Variants in TESC observed in about 807,000 individuals in gnomAD.
TESC encodes the protein calcineurin B homologous protein 3.
TESC carries 19 observed loss-of-function variants against 31.0 expected under a neutral mutation model. The observed-to-expected ratio is 0.61, with a 90% CI of 0.43 to 0.90. TESC has a LOEUF of 0.90. Ranked by LOEUF, TESC falls within the 40% of genes least tolerant of loss-of-function variation. TESC has a pLI of 0.00. For missense variants in TESC, 248 were observed against 303.8 expected, an observed-to-expected ratio of 0.82 and a Z score of 1.36; for synonymous variants, 109 against 114.8, an observed-to-expected ratio of 0.95 and a Z score of 0.32.
chr12:117,067,902 T>G (rs532354949), intron 2 of TESC, among the ~76,000 whole-genome samples: 1 of 152,108 alleles, frequency 6.6e-6, no homozygotes, highest in East Asian at 1.9e-4. Context: ...ACCCCGTGCT[T>G]TTTTTTCTTT....
In TESC at chr12:117,047,406, G is replaced by T. The variant is rs1954584297; in HGVS notation, c.350-568C>A. On this transcript the variant is annotated intron_variant, in intron 4 of 7. Coordinates refer to ENST00000335209, the MANE Select transcript of TESC (RefSeq NM_017899.4). ...GAGCTGGAGCTCTCCCAAGTCTTCT[G>T]TGTTGGCATTTTTTTTTTTAATGTA... Among the ~76,000 whole-genome samples the T allele has an allele frequency of 4.2e-5, 6 of 142,304 alleles. No homozygotes were observed. The South Asian group carries it at 1.3e-3, about 31-fold the overall frequency. The allele number at this position is 142,304 out of a possible 152,430, so 93.4% of individuals were successfully genotyped here.
intron 2 of TESC, among the ~76,000 whole-genome samples, chr12:117,074,133 G>A (rs1342478655): frequency 6.6e-6 from 1 of 152,092 alleles, no homozygotes; most frequent in Admixed American, 6.5e-5. Flanking sequence ...GCTAAGGCAG[G>A]AGGATCACCT....
At chr12:117,079,321 G>C (rs752641692) in intron 1 of TESC, among the ~76,000 whole-genome samples, 3 of 152,218 alleles carry the variant, frequency 2.0e-5, no homozygotes, top group South Asian at 2.1e-4. Context: ...CAGCACTTTG[G>C]GGGGCTGAGG....
intron 3 of TESC, among the ~76,000 whole-genome samples, chr12:117,052,108 T>C (rs961448981): frequency 6.6e-6 from 1 of 152,114 alleles, no homozygotes; most frequent in African/African-American, 2.4e-5. Context: ...AGCACCAGGA[T>C]GAAGATCAGT....
intron 3 of TESC, among the ~76,000 whole-genome samples, chr12:117,049,726 C>T (rs1025463409): frequency 6.6e-6 from 1 of 151,928 alleles, no homozygotes; most frequent in Admixed American, 6.6e-5. Context: ...CATGATGACA[C>T]CACGCCTCTA....
At chr12:117,066,521 A>G (rs1954885928) in intron 2 of TESC, among the ~76,000 whole-genome samples, 1 of 151,532 alleles carries the variant, frequency 6.6e-6, no homozygotes, top group Admixed American at 6.6e-5. Flanking sequence ...ACAGGCACCC[A>G]CCACCACGCC....
chr12:117,052,051 A>C (rs187222990), intron 3 of TESC, among the ~76,000 whole-genome samples: 1 of 152,318 alleles, frequency 6.6e-6, no homozygotes, highest in Admixed American at 6.5e-5. Flanking sequence ...CTGGGATTAC[A>C]GGTGCGTGCC....
At chr12:117,062,049 G>A (rs1382811585) in intron 2 of TESC, among the ~76,000 whole-genome samples, 1 of 151,988 alleles carries the variant, frequency 6.6e-6, no homozygotes, top group African/African-American at 2.4e-5. Flanking sequence ...CAGTAATAAC[G>A]GCAGCAGCAG....
intron 3 of TESC, among the ~76,000 whole-genome samples, chr12:117,054,688 G>A (rs555917978): frequency 6.6e-6 from 1 of 152,264 alleles, no homozygotes; most frequent in South Asian, 2.1e-4. Context: ...TCAGCACCTT[G>A]TCCAGGGTCC....
At chr12:117,061,712 AC>A (rs760161873) in intron 2 of TESC, among the ~76,000 whole-genome samples, 4 of 151,716 alleles carry the variant, frequency 2.6e-5, no homozygotes, top group Non-Finnish European at 5.9e-5. Context: ...CCTCCCCCTC[AC>A]CACTGGTGCC....
chr12:117,046,627 T>A lies in TESC; in HGVS notation c.451A>T (p.Lys151Ter). Residue 151 changes from lysine (K) to a stop codon, truncating the protein, a stop_gained, in exon 6 of 8, where the codon AAG becomes TAG. Transcript: ENST00000335209. LOFTEE classifies it high-confidence loss of function. ...TCGGCGATGGAGCGAGCGGACTCCT[T>A]CTCGATGTGAGGGTTTCCCGACAGC... ...ELLSGNPHIE[K>*]ESARSIADGA... 2 of 1,551,756 alleles carry A rather than the reference T, an allele frequency of 1.3e-6. No homozygotes were observed. The highest frequency in any genetic ancestry group is 2.4e-5 in the South Asian group (2 of 84,074).
At chr12:117,075,883 A>ATATATATATATATGTGTGTG (rs1955053469) in intron 1 of TESC, among the ~76,000 whole-genome samples, 5 of 25,888 alleles carry the variant, frequency 1.9e-4, no homozygotes, top group Non-Finnish European at 3.3e-4. Context: ...GTGTATATAT[A>ATATATATATATATGTGTGTG]TATATATATA....
intron 1 of TESC, among the ~76,000 whole-genome samples, chr12:117,096,182 G>C (rs1487707081): frequency 6.6e-6 from 1 of 152,170 alleles, no homozygotes; most frequent in African/African-American, 2.4e-5. Flanking sequence ...TTCTCAGAAA[G>C]GGACCAAGCT....
chr12:117,072,273 T>TC lies in TESC; in HGVS notation c.128+2997dup, dbSNP rs372150289. Among the ~76,000 whole-genome samples the TC allele has an allele frequency of 1.8e-3, 267 of 152,186 alleles. 1 individual carries two copies. The highest frequency in any genetic ancestry group is 6.2e-3 in the African/African-American group (258 of 41,512). On this transcript the variant is annotated intron_variant, in intron 2 of 7. Coordinates refer to ENST00000335209, the MANE Select transcript of TESC (RefSeq NM_017899.4). ...TGCCCTGCTTGCACCTGCTTTTTTTTCCCCCTAGAGATGGGGTCTCACTGT... is the reference window on the plus strand; with the variant it reads ...TGCCCTGCTTGCACCTGCTTTTTTTTCCCCCCTAGAGATGGGGTCTCACTGT...
At position 117,099,330 on chromosome 12, in the gene TESC, C is replaced by A; in HGVS notation, c.-48G>T. 7.2e-7 allele frequency: 1 copy of A among 1,395,460 alleles called. No individual in the cohort carries two copies. Among genetic ancestry groups the A allele is most frequent in the Non-Finnish European group, 9.3e-7 (1 of 1,078,512 alleles). The allele number at this position is 1,395,460 out of a possible 1,614,324, so 86.4% of individuals were successfully genotyped here. ...GGGCGCGCGTCCCTCTCAGGCCCCG[C>A]ACTGGCTTCGGCTGCGCAGCGGCGG... On this transcript the variant is annotated 5_prime_UTR_variant, in exon 1 of 8. Coordinates refer to ENST00000335209, the MANE Select transcript of TESC (RefSeq NM_017899.4).
At chr12:117,053,983 C>T (rs1394793515) in intron 3 of TESC, 1 of 152,250 alleles carries the variant, frequency 6.6e-6, no homozygotes, top group Non-Finnish European at 1.5e-5. Context: ...CACCGGATTC[C>T]ACTCTGTCTT....
At chr12:117,071,148 T>C (rs181642384) in intron 2 of TESC, among the ~76,000 whole-genome samples, 5 of 152,344 alleles carry the variant, frequency 3.3e-5, no homozygotes, top group African/African-American at 7.2e-5. Context: ...AGGCCTCACG[T>C]AGGCCACGCT....
intron 1 of TESC, among the ~76,000 whole-genome samples, chr12:117,089,971 T>C (rs930030265): frequency 2.7e-5 from 4 of 150,448 alleles, no homozygotes; most frequent in South Asian, 4.2e-4. Context: ...AAAGGGAAAA[T>C]AGGTTTCTAC....
At chr12:117,058,872 G>T (rs562180611) in intron 2 of TESC, among the ~76,000 whole-genome samples, 3 of 152,178 alleles carry the variant, frequency 2.0e-5, no homozygotes, top group Admixed American at 1.3e-4. Context: ...GCAGGCAGGG[G>T]CGTCAGCCAC....
Sources: gnomAD v4.1 joint callset for allele counts (sites outside exome capture counted in the v4.1 genomes callset) on GRCh38, gnomAD v4.1.1 for gene constraint, MANE v1.5 for transcripts, NCBI Gene and HGNC (gene_info 2026-07-23, HGNC 2026-07-21) for gene names.